Variants in KRT23 observed in about 807,000 individuals in gnomAD.
The protein encoded by KRT23 is keratin 23.
In KRT23, 38 loss-of-function variants were observed where a neutral mutation model predicts 47.6. The observed-to-expected ratio is 0.80, with a 90% CI of 0.62 to 1.05. The LOEUF (loss-of-function observed/expected upper bound fraction) is 1.05, where lower values mean the gene tolerates loss of function less well. KRT23 is among the 50% of genes least tolerant of loss of function. The pLI is 0.00. For missense variants in KRT23, 503 were observed against 529.5 expected (o/e 0.95, Z 0.49); for synonymous variants, 191 against 199.0 (o/e 0.96, Z 0.34).
chr17:40,924,926 CTGT>C (rs889089478), intron 7 of KRT23, among the ~76,000 whole-genome samples: 4 of 151,852 alleles, frequency 2.6e-5, no homozygotes, highest in African/African-American at 9.7e-5. Context: ...ATATGGCCAG[CTGT>C]TGTTATTTCC....
At chr17:40,930,935 AACAC>A (rs897656776) in intron 3 of KRT23, among the ~76,000 whole-genome samples, 1 of 151,892 alleles carries the variant, frequency 6.6e-6, no homozygotes, top group East Asian at 1.9e-4. Context: ...TCATTCAAGT[AACAC>A]ACAGTGCATT....
chr17:40,936,371 T>A lies in KRT23; in HGVS notation c.233A>T (p.Asn78Ile). The A allele has an allele frequency of 6.2e-7, 1 of 1,614,218 alleles. No individual in the cohort carries two copies. The change falls in exon 2 of 9, where the codon AAT becomes ATT. Residue 78 changes from asparagine (N) to isoleucine (I), a missense_variant. By Grantham distance (149) the Asn-to-Ile change is moderately radical. Coordinates refer to ENST00000209718, the MANE Select transcript of KRT23 (RefSeq NM_015515.5). The stretch of plus-strand genomic sequence containing the variant: ...GTAGGAGGCCAGGCGGTCGTTGAGA[T>A]TCTGCATGGTGGCCTTCCCATTTCC... The part of the protein sequence containing the change: ...LGGNGKATMQ[N>I]LNDRLASYLE...
At chr17:40,928,648 A>G in intron 4 of KRT23, 41 bp from the exon 5 acceptor site, 2 of 1,579,812 alleles carry the variant, frequency 1.3e-6, no homozygotes, top group East Asian at 2.2e-5. Context: ...GGCTTTGACA[A>G]TCAGAAGGCT....
At chr17:40,925,991 A>T (rs1567792685) in intron 6 of KRT23, among the ~76,000 whole-genome samples, 1 of 152,144 alleles carries the variant, frequency 6.6e-6, no homozygotes, top group East Asian at 1.9e-4. Flanking sequence ...TGTCCAAAAT[A>T]TTGCTCCAGT....
chr17:40,930,653 A>G (rs1421640383), intron 3 of KRT23, among the ~76,000 whole-genome samples: 1 of 151,878 alleles, frequency 6.6e-6, no homozygotes, highest in African/African-American at 2.4e-5. Flanking sequence ...AGTCCCAGCT[A>G]CTTGGGAGGC....
rs545237930 is a variant in KRT23 at position 40,933,622 on chromosome 17, T to G, written c.397-2167A>C. ...TATCCATTGCAAAGTCCACCTCAAG[T>G]GTCTGATTCCCCCAGCTATCATTCT... is the stretch of plus-strand genomic sequence containing the variant. On this transcript the variant is annotated intron_variant, in intron 2 of 8. Transcript: ENST00000209718. Among the ~76,000 whole-genome samples, 4 of 152,332 alleles carry G rather than the reference T, an allele frequency of 2.6e-5. No individual in the cohort carries two copies. In the East Asian group the frequency reaches 7.7e-4, roughly 29 times the overall value.
intron 8 of KRT23, 64 bp from the exon 9 acceptor site, chr17:40,923,147 T>G (rs1253589648): frequency 7.8e-7 from 1 of 1,274,966 alleles, no homozygotes; most frequent in African/African-American, 1.5e-5. Context: ...CTGTACTCAT[T>G]TTCATTTCTC....
At chr17:40,936,176 A>T (rs1333888573) in intron 2 of KRT23, 32 bp downstream of exon 2, 1 of 1,612,958 alleles carries the variant, frequency 6.2e-7, no homozygotes, top group African/African-American at 1.3e-5. Flanking sequence ...AAGCAGCCCC[A>T]TCTGGATCTC....
Position 40,925,510 on chromosome 17 carries a change from A to G in KRT23, c.986T>C (p.Met329Thr). The G allele has an allele frequency of 1.2e-6, 2 of 1,614,182 alleles. No individual in the cohort carries two copies. The highest frequency in any genetic ancestry group is 1.7e-6 in the Non-Finnish European group (2 of 1,180,024). The change falls in exon 7 of 9, where the codon ATG (methionine) becomes ACG (threonine). Residue 329 changes from methionine to threonine, a missense_variant. By Grantham distance (81) the Met-to-Thr change is moderately conservative. Transcript: ENST00000209718. ...CTCATAGTGGGAGATGATCTCTTGC[A>G]TGTCCTGGAGCTTGCAGGAGTACCG... is the stretch of plus-strand genomic sequence containing the variant. ...QSRYSCKLQD[M>T]QEIISHYEEE...
At chr17:40,931,843 A>G (rs1909714891) in intron 2 of KRT23, among the ~76,000 whole-genome samples, 1 of 152,214 alleles carries the variant, frequency 6.6e-6, no homozygotes, top group Non-Finnish European at 1.5e-5. Flanking sequence ...AAGCTCATCC[A>G]CAGCTGAAGA....
At chr17:40,927,108 C>T (rs533803065) in intron 6 of KRT23, among the ~76,000 whole-genome samples, 2 of 152,312 alleles carry the variant, frequency 1.3e-5, no homozygotes, top group South Asian at 2.1e-4. Context: ...TTCCTGACCA[C>T]CTTGTTTAAG....
rs764775927 is a variant in KRT23 at position 40,928,460 on chromosome 17, A to G, written c.784T>C (p.Trp262Arg). ...IKKKHRDLDT[W>R]YKEQSAAMSQ... ...CTTTCTTTTACCTGTTCTTTATACC[A>G]AGTGTCCAAGTCTCGATGCTTCTTC... The change falls in exon 5 of 9, where the codon TGG becomes CGG. Residue 262 changes from tryptophan to arginine, a missense_variant. Trp to Arg is a moderately radical substitution (Grantham distance 101). Coordinates refer to ENST00000209718, the MANE Select transcript of KRT23 (RefSeq NM_015515.5). The G allele has an allele frequency of 1.9e-6, 3 of 1,614,104 alleles. No individual in the cohort carries two copies. The highest frequency in any genetic ancestry group is 2.5e-6 in the Non-Finnish European group (3 of 1,180,014).
Position 40,933,817 on chromosome 17 carries a change from A to G in KRT23, c.397-2362T>C, listed in dbSNP as rs1481808213. Among the ~76,000 whole-genome samples, 4 of 152,334 alleles carry G rather than the reference A, an allele frequency of 2.6e-5. No homozygotes were observed. The East Asian group carries it at 7.7e-4, about 29-fold the overall frequency. The stretch of plus-strand genomic sequence containing the variant: ...TGGGTTGAGAAACGATATATGAGGC[A>G]TAGGTTTTTTACTGAGTGTTGTAAT... On this transcript the variant is annotated intron_variant, in intron 2 of 8. Transcript: ENST00000209718.
chr17:40,930,155 G>T, intron 3 of KRT23, 59 bp from the exon 4 acceptor site: 1 of 1,490,812 alleles, frequency 6.7e-7, no homozygotes, highest in East Asian at 2.3e-5. Flanking sequence ...GTTTTTGAAA[G>T]GATTCATTTT....
chr17:40,932,994 A>G (rs1909803369), intron 2 of KRT23, among the ~76,000 whole-genome samples: 1 of 152,262 alleles, frequency 6.6e-6, no homozygotes, highest in Non-Finnish European at 1.5e-5. Flanking sequence ...AAGAGTTATG[A>G]GAATTAGAAG....
chr17:40,925,428 C>G lies in KRT23; in HGVS notation c.1068G>C (p.Val356=). 6.2e-7 allele frequency: 1 copy of G among 1,614,082 alleles called. No homozygotes were observed. Among genetic ancestry groups the G allele is most frequent in the Non-Finnish European group, 8.5e-7 (1 of 1,180,032 alleles). The part of the protein sequence containing the change: ...ELERQNNEYQ[V]LLGIKTHLEK... ...CCAGGTGGGTTTTGATGCCCAGCAGCACTTGGTATTCATTGTTCTGCCGCT... is the reference window on the plus strand; with the variant it reads ...CCAGGTGGGTTTTGATGCCCAGCAGGACTTGGTATTCATTGTTCTGCCGCT... The change falls in exon 7 of 9, where the codon GTG becomes GTC. Residue 356 remains valine (V), a synonymous_variant. Coordinates refer to ENST00000209718, the MANE Select transcript of KRT23 (RefSeq NM_015515.5).
Position 40,936,252 on chromosome 17 carries a change from C to G in KRT23, c.352G>C (p.Asp118His), listed in dbSNP as rs765867862. Residue 118 changes from aspartate to histidine, a missense_variant, in exon 2 of 9, where the codon GAT becomes CAT. By Grantham distance (81) the Asp-to-His change is moderately conservative (BLOSUM62 -1). Coordinates refer to ENST00000209718, the MANE Select transcript of KRT23 (RefSeq NM_015515.5). ...HQQRDPGSKK[D>H]YSQYEENITH... ...ATGTTTTCCTCATACTGGGAATAAT[C>G]TTTCTTACTGCCAGGATCTCTCTGC... 6.2e-7 allele frequency: 1 copy of G among 1,614,200 alleles called. No individual in the cohort carries two copies. The highest frequency in any genetic ancestry group is 1.1e-5 in the South Asian group (1 of 91,076).
chr17:40,924,144 A>G (rs938344596), intron 8 of KRT23, among the ~76,000 whole-genome samples: 6 of 152,222 alleles, frequency 3.9e-5, no homozygotes, highest in Admixed American at 3.9e-4. Context: ...ACGAGTGTTC[A>G]ACAGAATCAT....
rs1567810473 is a variant in KRT23, at chr17:40,937,345, C to A, written c.-351+1G>T. On this transcript the variant is annotated splice_donor_variant, in intron 1 of 8. Transcript: ENST00000209718. LOFTEE classifies it low-confidence loss of function (5UTR_SPLICE). ...TGTAATTAATTAATGAATGACCGAA[C>A]CTTCCACTTCCAGGGTGCCTTTCAT... 6.6e-6 allele frequency: 1 copy of A among 152,248 alleles called. No homozygotes were observed. Among genetic ancestry groups the A allele is most frequent in the African/African-American group, 2.4e-5 (1 of 41,442 alleles). The allele number at this position is 152,248 out of a possible 1,614,324, so 9.4% of individuals were successfully genotyped here. A position where few individuals can be genotyped will look rare whatever the true frequency, so the allele number is the denominator to read the frequency against.
Sources: allele counts gnomAD v4.1 joint callset (sites outside exome capture counted in the v4.1 genomes callset), GRCh38; gene constraint gnomAD v4.1.1; transcripts MANE v1.5; gene names NCBI Gene and HGNC (gene_info 2026-07-23, HGNC 2026-07-21).